The following TGFBR3 variants were observed in gnomAD, a reference collection of about 807,000 sequenced individuals.
TGFBR3 encodes transforming growth factor beta receptor 3, also known as transforming growth factor beta receptor type 3.
A neutral mutation model predicts 87.9 loss-of-function variants in TGFBR3; 46 were observed. The observed-to-expected ratio is 0.52, with a 90% confidence interval of 0.41 to 0.67. The LOEUF is 0.67. TGFBR3 is among the 30% of genes least tolerant of loss of function. The pLI, the probability that TGFBR3 is intolerant of heterozygous loss-of-function variation, is 0.00. For synonymous variants in TGFBR3, 381 were observed against 391.6 expected, an observed-to-expected ratio of 0.97 and a Z score of 0.32; for missense variants, 866 against 1,041.9, an observed-to-expected ratio of 0.83 and a Z score of 2.32.
At position 91,886,105 on chromosome 1, in the gene TGFBR3, C is replaced by T; in HGVS notation, c.-341G>A. The T allele has an allele frequency of 2.2e-6, 1 of 454,142 alleles. No individual in the cohort carries two copies. The highest frequency in any genetic ancestry group is 4.4e-6 in the Non-Finnish European group (1 of 226,792). 28.1% of individuals were successfully genotyped at this position (454,142 alleles called of 1,614,324 possible). On this transcript the variant is annotated 5_prime_UTR_variant, in exon 1 of 17. Coordinates refer to ENST00000212355, the MANE Select transcript of TGFBR3 (RefSeq NM_003243.5). ...GAGCCGCCGACTGCCCTCCTTCACTCGCTGGGAAGAGGAAAGTGCCGCTCG... is the reference window on the plus strand; with the variant it reads ...GAGCCGCCGACTGCCCTCCTTCACTTGCTGGGAAGAGGAAAGTGCCGCTCG...
intron 4 of TGFBR3, among the ~76,000 whole-genome samples, chr1:91,743,072 AAG>A (rs1673211215): frequency 6.6e-6 from 1 of 152,170 alleles, no homozygotes; most frequent in Admixed American, 6.5e-5. Context: ...GGATCCACGG[AAG>A]CCTCAAGGTT....
intron 14 of TGFBR3, among the ~76,000 whole-genome samples, chr1:91,702,673 C>T (rs976193126): frequency 1.3e-5 from 2 of 152,114 alleles, no homozygotes; most frequent in African/African-American, 2.4e-5. Context: ...AAACAAGATT[C>T]ACCATAAATT....
intron 3 of TGFBR3, among the ~76,000 whole-genome samples, chr1:91,762,338 G>A (rs973746564): frequency 2.0e-5 from 3 of 152,142 alleles, no homozygotes; most frequent in Admixed American, 6.5e-5. Flanking sequence ...TGAACTCCCC[G>A]TTAGGCACCC....
At chr1:91,858,986 C>T (rs986417717) in intron 2 of TGFBR3, among the ~76,000 whole-genome samples, 1 of 151,006 alleles carries the variant, frequency 6.6e-6, no homozygotes, top group South Asian at 2.1e-4. Context: ...AACCAGGAGG[C>T]AGAGGTTGCA....
intron 2 of TGFBR3, among the ~76,000 whole-genome samples, chr1:91,802,104 T>TA (rs1675652071): frequency 6.6e-6 from 1 of 151,948 alleles, no homozygotes; most frequent in Non-Finnish European, 1.5e-5. Context: ...TTCCTTTGGG[T>TA]AAAAAACAAG....
At chr1:91,740,523 C>A (rs750660905) in intron 4 of TGFBR3, among the ~76,000 whole-genome samples, 2 of 151,926 alleles carry the variant, frequency 1.3e-5, no homozygotes, top group Non-Finnish European at 2.9e-5. Context: ...CACCATCAGG[C>A]CCGGCTAATT....
intron 11 of TGFBR3, 70 bp downstream of exon 11, chr1:91,716,498 T>C (rs1672177171): frequency 2.5e-6 from 4 of 1,613,770 alleles, no homozygotes; most frequent in Middle Eastern, 3.3e-4. Flanking sequence ...TATTTTCAGA[T>C]AGTCCCTAAC....
intron 2 of TGFBR3, among the ~76,000 whole-genome samples, chr1:91,821,128 G>A (rs1676435595): frequency 6.6e-6 from 1 of 152,006 alleles, no homozygotes; most frequent in Admixed American, 6.6e-5. Flanking sequence ...TCAGGGGTTC[G>A]AGAGCAACCT....
chr1:91,879,547 TA>T (rs1678993258), intron 1 of TGFBR3, among the ~76,000 whole-genome samples: 1 of 152,200 alleles, frequency 6.6e-6, no homozygotes, highest in Non-Finnish European at 1.5e-5. Flanking sequence ...GTCAGCCTAT[TA>T]AGTCTTCATC....
At position 91,727,754 on chromosome 1, in the gene TGFBR3, C is replaced by T. The variant is rs1672599666; in HGVS notation, c.790G>A (p.Glu264Lys). Residue 264 changes from glutamate to lysine, a missense_variant, in exon 7 of 17, where the codon GAA becomes AAA. Physicochemically the swap from Glu to Lys is moderately conservative, Grantham distance 56. Transcript: ENST00000212355. Reference sequence around the variant, plus strand: ...ATCAGGATGAGATTTTTGACCACTTCAAGATCCTCTTGAGAAGGTCTTATA... The same window carrying T: ...ATCAGGATGAGATTTTTGACCACTTTAAGATCCTCTTGAGAAGGTCTTATA... ...IDIRPSQEDL[E>K]VVKNLILILK... 6.2e-7 allele frequency: 1 copy of T among 1,613,948 alleles called. No individual in the cohort carries two copies. Among genetic ancestry groups the T allele is most frequent in the Admixed American group, 1.7e-5 (1 of 60,006 alleles).
chr1:91,898,026 T>TA (rs1180618251), intron 2 of TGFBR3, among the ~76,000 whole-genome samples: 5 of 122,972 alleles, frequency 4.1e-5, no homozygotes, highest in African/African-American at 1.2e-4. Context: ...CAGTCTCCAT[T>TA]AAAAAATGTT....
chr1:91,839,710 G>A (rs1433746234), intron 2 of TGFBR3, among the ~76,000 whole-genome samples: 5 of 152,208 alleles, frequency 3.3e-5, no homozygotes, highest in Non-Finnish European at 7.3e-5. Context: ...GTCATTGAAA[G>A]ACCAGGGAAC....
intron 3 of TGFBR3, among the ~76,000 whole-genome samples, chr1:91,770,263 T>C (rs925588785): frequency 4.6e-5 from 7 of 151,528 alleles, no homozygotes; most frequent in African/African-American, 1.7e-4. Context: ...ATTTTTCTCA[T>C]AAAACCCTAA....
chr1:91,813,985 G>T (rs1169583607), intron 2 of TGFBR3, among the ~76,000 whole-genome samples: 1 of 152,196 alleles, frequency 6.6e-6, no homozygotes, highest in Non-Finnish European at 1.5e-5. Flanking sequence ...ACACGAGGTG[G>T]AGCTTAGGCA....
rs964307491 is a variant in TGFBR3 at position 91,716,687 on chromosome 1, G to T, written c.1588C>A (p.Leu530Ile). The T allele has an allele frequency of 6.2e-7, 1 of 1,613,894 alleles. No individual in the cohort carries two copies. Among genetic ancestry groups the T allele is most frequent in the African/African-American group, 1.3e-5 (1 of 74,850 alleles). ...TCTGGCCAACCACTACTGTCCCCAA[G>T]GGCTGGAACCTGTATCACAATCTAA... ...YNSIVIQVPA[L>I]GDSSGWPDGY... is the part of the protein sequence containing the mutation. The change falls in exon 11 of 17, where the codon CTT becomes ATT. Residue 530 changes from leucine to isoleucine, a missense_variant. Physicochemically the swap from Leu to Ile is conservative, Grantham distance 5 (BLOSUM62 2). Coordinates refer to ENST00000212355, the MANE Select transcript of TGFBR3 (RefSeq NM_003243.5).
At chr1:91,891,054 C>T (rs893955955), upstream of TGFBR3, among the ~76,000 whole-genome samples, 4 of 151,910 alleles carry the variant, frequency 2.6e-5, no homozygotes, top group East Asian at 2.0e-4. Context: ...CCTACCACCA[C>T]GCCTGGCTAA....
At chr1:91,794,948 G>GCA (rs1169711917) in intron 3 of TGFBR3, among the ~76,000 whole-genome samples, 2 of 152,228 alleles carry the variant, frequency 1.3e-5, no homozygotes, top group African/African-American at 2.4e-5. Context: ...AAAACTGTTT[G>GCA]CATAGCTGCG....
chr1:91,885,364 G>A (rs1034931347), intron 1 of TGFBR3, among the ~76,000 whole-genome samples: 1 of 141,276 alleles, frequency 7.1e-6, no homozygotes, highest in Non-Finnish European at 1.6e-5. Context: ...AACCGGGGCG[G>A]GGGGGGGCCG....
At chr1:91,746,500 G>C (rs1673351566) in intron 4 of TGFBR3, among the ~76,000 whole-genome samples, 1 of 152,040 alleles carries the variant, frequency 6.6e-6, no homozygotes, top group African/African-American at 2.4e-5. Flanking sequence ...CAATCTAAAT[G>C]ATGTTTTTCA....
Sources: gnomAD v4.1 joint callset for allele counts (sites outside exome capture counted in the v4.1 genomes callset) on GRCh38, gnomAD v4.1.1 for gene constraint, MANE v1.5 for transcripts, NCBI Gene and HGNC (gene_info 2026-07-23, HGNC 2026-07-21) for gene names.